Variants in TRAF7 observed in about 807,000 individuals in gnomAD.
TRAF7 encodes the protein E3 ubiquitin-protein ligase TRAF7.
TRAF7 carries 45 observed loss-of-function variants against 89.3 expected under a neutral mutation model. The ratio of observed to expected loss-of-function variants is 0.50; its 90% CI spans 0.40 to 0.65. The LOEUF is 0.65. TRAF7 is among the 30% of genes least tolerant of loss of function. The probability of loss-of-function intolerance (pLI) is 0.00; values close to 1 mark genes in which losing one functional copy is unlikely to be tolerated. For synonymous variants in TRAF7, 406 were observed against 369.2 expected (o/e 1.10, Z -1.14); for missense variants, 677 against 918.1 (o/e 0.74, Z 3.39).
chr16:2,169,175 T>C (rs1054534652), intron 4 of TRAF7, among the ~76,000 whole-genome samples: 2 of 151,914 alleles, frequency 1.3e-5, no homozygotes, highest in Non-Finnish European at 2.9e-5. Context: ...AGAGATGGGG[T>C]TTCTCCATGT....
intron 9 of TRAF7, 69 bp downstream of exon 9, chr16:2,172,668 C>T: frequency 6.7e-7 from 1 of 1,490,790 alleles, no homozygotes; most frequent in Admixed American, 2.1e-5. Context: ...CTGAGAGCTG[C>T]CCGCTTGCTG....
chr16:2,171,507 A>G, intron 6 of TRAF7, 65 bp from the exon 7 acceptor site: 1 of 1,608,332 alleles, frequency 6.2e-7, no homozygotes, highest in South Asian at 1.1e-5. Context: ...TGTGGCTGCC[A>G]TGGCCATGGA....
At chr16:2,156,097 T>C (rs1304134558) in intron 1 of TRAF7, among the ~76,000 whole-genome samples, 2 of 152,134 alleles carry the variant, frequency 1.3e-5, no homozygotes, top group African/African-American at 2.4e-5. Context: ...CGCAGTTCTT[T>C]ACTCATTCCT....
rs755093339 is a variant in TRAF7, at chr16:2,174,268, C to T, written c.1281C>T (p.Thr427=). Residue 427 remains threonine, a synonymous_variant, in exon 14 of 21, where the codon ACC becomes ACT. Coordinates refer to ENST00000326181, the MANE Select transcript of TRAF7 (RefSeq NM_032271.3). ...DKTIKVWDTC[T]TYKCQKTLEG... ...CTCTGCAGGTGTGGGACACATGTAC[C>T]ACCTACAAGTGTCAGAAGACACTGG... is the stretch of plus-strand genomic sequence containing the variant. 4.3e-6 allele frequency: 7 copies of T among 1,613,110 alleles called. No homozygotes were observed. In the South Asian group the frequency reaches 7.7e-5, roughly 18 times the overall value.
At chr16:2,157,460 C>T (rs1013224257) in intron 1 of TRAF7, among the ~76,000 whole-genome samples, 1 of 152,182 alleles carries the variant, frequency 6.6e-6, no homozygotes, top group African/African-American at 2.4e-5. Flanking sequence ...TGGCACCCAC[C>T]GAAAAGTGCC....
Position 2,175,846 on chromosome 16 carries a change from C to G in TRAF7, c.1639C>G (p.Arg547Gly), listed in dbSNP as rs1308958696. ...SYQTIKIWDI[R>G]TLDCIHVLQT... is the part of the protein sequence containing the mutation. ...CGATTACTCATAGATCTGGGACATC[C>G]GAACCCTTGACTGCATCCACGTCCT... The change falls in exon 18 of 21, where the codon CGA (arginine) becomes GGA (glycine). Residue 547 changes from arginine (R) to glycine (G), a missense_variant. Arg to Gly is a moderately radical substitution (Grantham distance 125, BLOSUM62 -2). Coordinates refer to ENST00000326181, the MANE Select transcript of TRAF7 (RefSeq NM_032271.3). 1 of 1,613,340 alleles carries G rather than the reference C, an allele frequency of 6.2e-7. No individual in the cohort carries two copies. The highest frequency in any genetic ancestry group is 8.5e-7 in the Non-Finnish European group (1 of 1,179,830).
chr16:2,165,302 A>G (rs1406150323), intron 2 of TRAF7, among the ~76,000 whole-genome samples: 5 of 134,350 alleles, frequency 3.7e-5, no homozygotes, highest in Admixed American at 2.2e-4. Flanking sequence ...GCCTGGTCGC[A>G]TGGTTAAGTG....
rs1179804639 is a variant in TRAF7, at chr16:2,176,553, T to G, written c.1999-7T>G. On this transcript the variant is annotated splice_region_variant and splice_polypyrimidine_tract_variant and intron_variant, in intron 20 of 20. Transcript: ENST00000326181. ...GACATCCTGGTGAAGCAGCCCTTTC[T>G]CTGCAGGTTTGGACTTGCTAACAGG... The G allele has an allele frequency of 6.2e-7, 1 of 1,613,264 alleles. No homozygotes were observed. The highest frequency in any genetic ancestry group is 8.5e-7 in the Non-Finnish European group (1 of 1,179,998).
chr16:2,178,088 G>A lies in TRAF7; in HGVS notation c.*1514G>A, dbSNP rs972866276. On this transcript the variant is annotated 3_prime_UTR_variant, in exon 21 of 21. Coordinates refer to ENST00000326181, the MANE Select transcript of TRAF7 (RefSeq NM_032271.3). ...CCTTTTTGTTTCTCTGGGGAAATCCGCCTCAGCTCATTCCCAATAAATTAA... is the reference window on the plus strand; with the variant it reads ...CCTTTTTGTTTCTCTGGGGAAATCCACCTCAGCTCATTCCCAATAAATTAA... 8.1e-6 allele frequency: 4 copies of A among 495,484 alleles called. No individual in the cohort carries two copies. Among genetic ancestry groups the A allele is most frequent in the East Asian group, 4.6e-5 (1 of 21,764 alleles). 30.7% of individuals were successfully genotyped at this position (495,484 alleles called of 1,614,324 possible). A position where few individuals can be genotyped will look rare whatever the true frequency, so the allele number is the denominator to read the frequency against.
chr16:2,171,086 A>G (rs965022383), intron 5 of TRAF7, among the ~76,000 whole-genome samples, 178 bp from the exon 6 acceptor site: 1 of 151,992 alleles, frequency 6.6e-6, no homozygotes, highest in Non-Finnish European at 1.5e-5. Flanking sequence ...GGGGCCACAG[A>G]CCTCGCTCTC....
chr16:2,165,732 T>A, intron 2 of TRAF7, 147 bp from the exon 3 acceptor site: 1 of 828,756 alleles, frequency 1.2e-6, no homozygotes, highest in South Asian at 1.6e-5. Context: ...GTGTGAGTGC[T>A]GCGTGGCGTG....
At position 2,173,445 on chromosome 16, in the gene TRAF7, G is replaced by A. The variant is rs762069646; in HGVS notation, c.1013-36G>A. 22 of 1,612,616 alleles carry A rather than the reference G, an allele frequency of 1.4e-5. No individual in the cohort carries two copies. In the South Asian group the frequency reaches 2.0e-4, roughly 14 times the overall value. On this transcript the variant is annotated intron_variant, in intron 10 of 20. Coordinates refer to ENST00000326181, the MANE Select transcript of TRAF7 (RefSeq NM_032271.3). ...AGGCAGGGGCCTGGCCACTGCTCCGGGCACCAGTGACACCCCCTCTCCTCC... is the reference window on the plus strand; with the variant it reads ...AGGCAGGGGCCTGGCCACTGCTCCGAGCACCAGTGACACCCCCTCTCCTCC...
rs1224587260 is a variant in TRAF7, at chr16:2,158,091, G to A, written c.-39+2233G>A. Among the ~76,000 whole-genome samples, 2 of 152,228 alleles carry A rather than the reference G, an allele frequency of 1.3e-5. No homozygotes were observed. Among genetic ancestry groups the A allele is most frequent in the African/African-American group, 4.8e-5 (2 of 41,452 alleles). ...GTCTGAGCCCAGTGCCTGTGGCCTTGACCACGGTGTCACAGCATCTCCTGG... is the reference window on the plus strand; with the variant it reads ...GTCTGAGCCCAGTGCCTGTGGCCTTAACCACGGTGTCACAGCATCTCCTGG... On this transcript the variant is annotated intron_variant, in intron 1 of 20. Coordinates refer to ENST00000326181, the MANE Select transcript of TRAF7 (RefSeq NM_032271.3). The surrounding 1 kb of genome is among the most constrained non-coding windows in gnomAD (Gnocchi z 4.7).
intron 9 of TRAF7, 33 bp downstream of exon 9, chr16:2,172,632 T>C (rs1281285996): frequency 4.0e-6 from 3 of 753,084 alleles, no homozygotes; most frequent in African/African-American, 1.8e-5. Context: ...TGGGCCGGGG[T>C]GGGCGCAGGC....
In TRAF7 at chr16:2,159,874, C is replaced by G. The variant is rs2093050439; in HGVS notation, c.-38-4009C>G. On this transcript the variant is annotated intron_variant, in intron 1 of 20. Coordinates refer to ENST00000326181, the MANE Select transcript of TRAF7 (RefSeq NM_032271.3). The surrounding 1 kb of genome is among the most constrained non-coding windows in gnomAD (Gnocchi z 6.5). Reference sequence around the variant, plus strand: ...GCTGCATCTGGAAGCCCCCATCTCCCCCACTCAGCAGGGCCCCCCAGGCTG... The same window carrying G: ...GCTGCATCTGGAAGCCCCCATCTCCGCCACTCAGCAGGGCCCCCCAGGCTG... 6.6e-6 allele frequency among the ~76,000 whole-genome samples: 1 copy of G among 152,262 alleles called. No homozygotes were observed. The highest frequency in any genetic ancestry group is 2.1e-4 in the South Asian group (1 of 4,834).
Position 2,176,701 on chromosome 16 carries a change from C to A in TRAF7, c.*127C>A. On this transcript the variant is annotated 3_prime_UTR_variant, in exon 21 of 21. Coordinates refer to ENST00000326181, the MANE Select transcript of TRAF7 (RefSeq NM_032271.3). The stretch of plus-strand genomic sequence containing the variant: ...GGCATAGGTGGACAGGCTCTGGCAG[C>A]CGGGCAGTGCCCTCCCCGTCCCATG... The A allele has an allele frequency of 7.3e-7, 1 of 1,374,564 alleles. No individual in the cohort carries two copies. The highest frequency in any genetic ancestry group is 1.0e-6 in the Non-Finnish European group (1 of 981,854). 85.1% of individuals were successfully genotyped at this position (1,374,564 alleles called of 1,614,324 possible). A position where few individuals can be genotyped will look rare whatever the true frequency, so the allele number is the denominator to read the frequency against.
rs1380345925 is a variant in TRAF7, at chr16:2,165,332, G to A, written c.82-547G>A. Among the ~76,000 whole-genome samples, 69 of 130,482 alleles carry A rather than the reference G, an allele frequency of 5.3e-4. 1 individual carries two copies. Among genetic ancestry groups the A allele is most frequent in the South Asian group, 1.7e-3 (7 of 4,096 alleles). The allele number at this position is 130,482 out of a possible 152,430, so 85.6% of individuals were successfully genotyped here. On this transcript the variant is annotated intron_variant, in intron 2 of 20. Transcript: ENST00000326181. ...TAAGTGTGTGAGTGCTGTGTGGCGC[G>A]GCCTGGTCGCATGGTTAAGCGTGTG...
intron 6 of TRAF7, 77 bp downstream of exon 6, chr16:2,171,433 T>C: frequency 6.5e-7 from 1 of 1,531,000 alleles, no homozygotes; most frequent in Non-Finnish European, 8.9e-7. Context: ...GGGCCGGGGC[T>C]GTGGCGCCCT....
At chr16:2,164,175 CGCGCGCACGCGTGCGTGT>C (rs888922575) in intron 2 of TRAF7, among the ~76,000 whole-genome samples, 174 bp downstream of exon 2, 42 of 119,622 alleles carry the variant, frequency 3.5e-4, no homozygotes, top group Non-Finnish European at 5.0e-4. Context: ...CGCGCGCGCG[CGCGCGCACGCGTGCGTGT>C]GTGGTTGGGG....
Sources: gnomAD v4.1 joint callset for allele counts (sites outside exome capture counted in the v4.1 genomes callset) on GRCh38, gnomAD v4.1.1 for gene constraint, Gnocchi (gnomAD v3.1) non-coding constraint, MANE v1.5 for transcripts, NCBI Gene and HGNC (gene_info 2026-07-23, HGNC 2026-07-21) for gene names.